Variants in CNTNAP3 observed in about 807,000 individuals in gnomAD.
CNTNAP3 encodes the protein contactin associated protein family member 3.
Under a neutral mutation model 92.1 loss-of-function variants are expected in CNTNAP3, and 36 were observed. That is an observed-to-expected ratio of 0.39 (90% CI 0.30 to 0.52). The LOEUF (loss-of-function observed/expected upper bound fraction) is 0.52. Ranked by LOEUF, CNTNAP3 falls within the 20% of genes least tolerant of loss-of-function variation. The pLI is 0.76. For synonymous variants in CNTNAP3, 232 were observed against 422.3 expected, an observed-to-expected ratio of 0.55 and a Z score of 5.53; for missense variants, 534 against 1,069.6, an observed-to-expected ratio of 0.50 and a Z score of 6.98.
intron 15 of CNTNAP3, among the ~76,000 whole-genome samples, chr9:39,104,471 TACACATACACACAC>T (rs1355690947): frequency 4.2e-5 from 3 of 71,844 alleles, no homozygotes; most frequent in African/African-American, 1.5e-4. Flanking sequence ...TTCCTGCACA[TACACATACACACAC>T]ACACACACAC....
At chr9:39,078,003 C>T (rs1468838673) in intron 23 of CNTNAP3, among the ~76,000 whole-genome samples, 2 of 152,134 alleles carry the variant, frequency 1.3e-5, no homozygotes, top group African/African-American at 2.4e-5. Context: ...GCCAGGAGTT[C>T]GAAACCAGCA....
At chr9:39,119,867 G>C (rs1365541987) in intron 13 of CNTNAP3, among the ~76,000 whole-genome samples, 1 of 152,100 alleles carries the variant, frequency 6.6e-6, no homozygotes, top group Admixed American at 6.5e-5. Flanking sequence ...AGAGTGAAAA[G>C]ACAGAGGACA....
chr9:39,103,731 G>A lies in CNTNAP3; in HGVS notation c.2536+13C>T, dbSNP rs761651927. ...ATGGGTACCCTGTGACTTGTCCAGA[G>A]TGGCGAGCTTACCACGCAGCTCAAT... On this transcript the variant is annotated intron_variant, in intron 16 of 23. Coordinates refer to ENST00000297668, the MANE Select transcript of CNTNAP3 (RefSeq NM_033655.5). 1 of 1,609,494 alleles carries A rather than the reference G, an allele frequency of 6.2e-7. No homozygotes were observed. The highest frequency in any genetic ancestry group is 8.5e-7 in the Non-Finnish European group (1 of 1,179,370).
chr9:39,110,879 C>A (rs2117917916), intron 14 of CNTNAP3, among the ~76,000 whole-genome samples: 1 of 152,078 alleles, frequency 6.6e-6, no homozygotes, highest in South Asian at 2.1e-4. Context: ...ACTCTTAGTC[C>A]AGTTATGGTT....
At chr9:39,089,250 TTC>T (rs1342084551) in intron 18 of CNTNAP3, among the ~76,000 whole-genome samples, 1 of 152,076 alleles carries the variant, frequency 6.6e-6, no homozygotes, top group African/African-American at 2.4e-5. Flanking sequence ...CTAATTTACT[TTC>T]TGTCTCTGCA....
At chr9:39,103,707 T>A in intron 16 of CNTNAP3, 37 bp downstream of exon 16, 1 of 1,580,454 alleles carries the variant, frequency 6.3e-7, no homozygotes, top group South Asian at 1.2e-5. Flanking sequence ...TGCTAAATAA[T>A]GGGTACCCTG....
Position 39,126,472 on chromosome 9 carries a change from A to G in CNTNAP3, c.2080+6460T>C, listed in dbSNP as rs1821156214. Among the ~76,000 whole-genome samples the G allele has an allele frequency of 2.6e-5, 4 of 152,130 alleles. 1 individual carries two copies. The highest frequency in any genetic ancestry group is 5.9e-5 in the Non-Finnish European group (4 of 68,006). ...ATGGGCCAGCATTACCCTAATACCC[A>G]AACCAGCAAAACCTTACAAAAAAGT... On this transcript the variant is annotated intron_variant, in intron 13 of 23. Transcript: ENST00000297668.
rs145033864 is a variant in CNTNAP3, at chr9:39,084,141, A to C, written c.3442+1595T>G. 8.3e-4 allele frequency among the ~76,000 whole-genome samples: 125 copies of C among 150,666 alleles called. No individual in the cohort carries two copies. The East Asian group carries it at 0.015, about 18-fold the overall frequency. ...TGAGGGTGGGTAGGTATAGTGTTTC[A>C]TTCAGAGGCTTTCTCAGTGCTTAAT... On this transcript the variant is annotated intron_variant, in intron 21 of 23. Transcript: ENST00000297668.
chr9:39,136,024 G>A (rs1304184804), intron 12 of CNTNAP3, among the ~76,000 whole-genome samples: 1 of 151,852 alleles, frequency 6.6e-6, no homozygotes, highest in Non-Finnish European at 1.5e-5. Context: ...AGCTACCGGG[G>A]AGGCCGAGGC....
At chr9:39,103,264 G>A (rs1440771352) in intron 16 of CNTNAP3, among the ~76,000 whole-genome samples, 2 of 152,268 alleles carry the variant, frequency 1.3e-5, no homozygotes, top group African/African-American at 4.8e-5. Flanking sequence ...CGTGCTTCAT[G>A]CTTCATTGTT....
chr9:39,166,474 TAAA>T lies in CNTNAP3; in HGVS notation c.1334-401_1334-399del, dbSNP rs925457910. ...TACAAGAATCAAGAAAGTGAGTTGA[TAAA>T]AAATACGTCAAGAATGATTGTGAAA... On this transcript the variant is annotated intron_variant, in intron 8 of 23. Coordinates refer to ENST00000297668, the MANE Select transcript of CNTNAP3 (RefSeq NM_033655.5). Among the ~76,000 whole-genome samples the T allele has an allele frequency of 4.6e-4, 61 of 132,016 alleles. 2 individuals carry two copies. The highest frequency in any genetic ancestry group is 1.7e-3 in the African/African-American group (61 of 36,428). The allele number at this position is 132,016 out of a possible 152,430, so 86.6% of individuals were successfully genotyped here. A position where few individuals can be genotyped will look rare whatever the true frequency, so the allele number is the denominator to read the frequency against.
intron 12 of CNTNAP3, among the ~76,000 whole-genome samples, chr9:39,136,224 C>T (rs1324282953): frequency 6.6e-6 from 1 of 151,704 alleles, no homozygotes; most frequent in African/African-American, 2.4e-5. Context: ...ATAGTGAAGT[C>T]GCAATATTGT....
At chr9:39,151,560 T>TA (rs1031747088) in intron 9 of CNTNAP3, among the ~76,000 whole-genome samples, 22 of 130,016 alleles carry the variant, frequency 1.7e-4, no homozygotes, top group African/African-American at 6.2e-4. Flanking sequence ...TCTTCTCAAA[T>TA]AAAAAAAAAT....
chr9:39,091,524 C>G (rs1826201451), intron 18 of CNTNAP3, among the ~76,000 whole-genome samples: 1 of 152,082 alleles, frequency 6.6e-6, no homozygotes, highest in Non-Finnish European at 1.5e-5. Context: ...GTTAAAACAA[C>G]TTTCCATTTC....
At chr9:39,284,363 C>A (rs1363962924) in intron 1 of CNTNAP3, among the ~76,000 whole-genome samples, 1 of 49,980 alleles carries the variant, frequency 2.0e-5, no homozygotes, top group African/African-American at 4.4e-5. Flanking sequence ...CCTTACCCTG[C>A]TGGTTTCTGA....
intron 13 of CNTNAP3, among the ~76,000 whole-genome samples, chr9:39,126,099 A>G (rs1821146881): frequency 6.6e-6 from 1 of 152,202 alleles, no homozygotes; most frequent in Non-Finnish European, 1.5e-5. Context: ...ACCACATTCT[A>G]GGCCACAGAA....
At position 39,132,898 on chromosome 9, in the gene CNTNAP3, G is replaced by A. The variant is rs573382335; in HGVS notation, c.2080+34C>T. ...AGCCCGAGGGCCGCGCCCCGGCCCC[G>A]TGAACCCCTGTAGCCTCCAGGAGTG... On this transcript the variant is annotated intron_variant, in intron 13 of 23. Transcript: ENST00000297668. 226 of 1,520,446 alleles carry A rather than the reference G, an allele frequency of 1.5e-4. 2 individuals are homozygous for A. The highest frequency in any genetic ancestry group is 1.4e-3 in the Middle Eastern group (6 of 4,308). 94.2% of individuals were successfully genotyped at this position (1,520,446 alleles called of 1,614,324 possible).
chr9:39,150,523 T>C (rs1395745731), intron 9 of CNTNAP3, among the ~76,000 whole-genome samples: 1 of 18,678 alleles, frequency 5.4e-5, no homozygotes, highest in Non-Finnish European at 1.1e-4. Context: ...TATTTTTTTA[T>C]ACTGACTGGG....
chr9:39,157,479 A>G (rs1284864988), intron 9 of CNTNAP3, among the ~76,000 whole-genome samples: 1 of 109,002 alleles, frequency 9.2e-6, no homozygotes, highest in East Asian at 2.6e-4. Context: ...AGCTGGGACT[A>G]CAGGCGCCCA....
Sources: allele counts gnomAD v4.1 joint callset (sites outside exome capture counted in the v4.1 genomes callset), GRCh38; gene constraint gnomAD v4.1.1; transcripts MANE v1.5; gene names NCBI Gene and HGNC (gene_info 2026-07-23, HGNC 2026-07-21).